HAS2: variants seen among roughly 807,000 people sequenced by gnomAD.
HAS2 encodes HA synthase 2.
A neutral mutation model predicts 51.6 loss-of-function variants in HAS2; 16 were observed. The ratio of observed to expected loss-of-function variants is 0.31; its 90% CI spans 0.21 to 0.47. The LOEUF is 0.47. Ranked by LOEUF, HAS2 falls within the 20% of genes least tolerant of loss-of-function variation. The probability of loss-of-function intolerance (pLI) is 1.00; values close to 1 mark genes in which losing one functional copy is unlikely to be tolerated. For synonymous variants in HAS2, 228 were observed against 235.5 expected (o/e 0.97, Z 0.29); for missense variants, 361 against 662.6 (o/e 0.54, Z 5.00).
At chr8:121,633,487 C>G (rs1812963243) in intron 1 of HAS2, among the ~76,000 whole-genome samples, 1 of 152,108 alleles carries the variant, frequency 6.6e-6, no homozygotes, top group South Asian at 2.1e-4. Context: ...GAAATTGGCA[C>G]TCACTCAAGT....
At chr8:121,618,002 CAA>C (rs11356339) in intron 2 of HAS2, among the ~76,000 whole-genome samples, 21 of 126,282 alleles carry the variant, frequency 1.7e-4, no homozygotes, top group African/African-American at 1.4e-4. Flanking sequence ...TTCTATGAGC[CAA>C]AAAAAAAAAA....
Position 121,628,740 on chromosome 8 carries a change from G to A in HAS2, c.601C>T (p.Leu201=). The change falls in exon 2 of 4, where the codon CTG becomes TTG. Residue 201 remains leucine (L), a synonymous_variant. Coordinates refer to ENST00000303924, the MANE Select transcript of HAS2 (RefSeq NM_005328.3). ...REVMYTAFRA[L]GRSVDYVQVC... is the part of the protein sequence containing the mutation. ...TGTACATAATCCACACTTCGTCCCAGTGCTCTGAAGGCTGTGTACATGACT... is the reference window on the plus strand; with the variant it reads ...TGTACATAATCCACACTTCGTCCCAATGCTCTGAAGGCTGTGTACATGACT... 1.2e-6 allele frequency: 2 copies of A among 1,614,026 alleles called. No homozygotes were observed. The highest frequency in any genetic ancestry group is 1.7e-6 in the Non-Finnish European group (2 of 1,179,918).
intron 1 of HAS2, chr8:121,639,664 C>A (rs1394301845): frequency 2.6e-5 from 4 of 152,584 alleles, no homozygotes; most frequent in African/African-American, 9.7e-5. Flanking sequence ...TCCCCCGCGG[C>A]TGCGTTTCCG....
chr8:121,640,135 G>A (rs1044150302), intron 1 of HAS2: 1 of 152,290 alleles, frequency 6.6e-6, no homozygotes, highest in African/African-American at 2.4e-5. Flanking sequence ...CTATCTGCGG[G>A]TGCCACCGCC....
chr8:121,640,671 T>C (rs1813081809), intron 1 of HAS2, among the ~76,000 whole-genome samples, 182 bp downstream of exon 1: 1 of 152,176 alleles, frequency 6.6e-6, no homozygotes, highest in Non-Finnish European at 1.5e-5. Context: ...GAGGGCTATG[T>C]TGCTAAGCCT....
intron 1 of HAS2, among the ~76,000 whole-genome samples, chr8:121,636,489 C>A (rs1305680368): frequency 6.6e-6 from 1 of 152,150 alleles, no homozygotes; most frequent in Non-Finnish European, 1.5e-5. Context: ...GACCCTTGAG[C>A]CAAGCTTCCA....
chr8:121,622,588 A>G (rs1425348814), intron 2 of HAS2, among the ~76,000 whole-genome samples: 1 of 152,086 alleles, frequency 6.6e-6, no homozygotes. Flanking sequence ...AAAGTGGGCC[A>G]CAATACATGC....
chr8:121,614,341 A>G lies in HAS2; in HGVS notation c.1427T>C (p.Ile476Thr), dbSNP rs1285268289. 1 of 1,614,042 alleles carries G rather than the reference A, an allele frequency of 6.2e-7. No homozygotes were observed. Among genetic ancestry groups the G allele is most frequent in the East Asian group, 2.2e-5 (1 of 44,880 alleles). Residue 476 changes from isoleucine to threonine, a missense_variant, in exon 4 of 4, where the codon ATA becomes ACA. Ile to Thr is a moderately conservative substitution (Grantham distance 89). Coordinates refer to ENST00000303924, the MANE Select transcript of HAS2 (RefSeq NM_005328.3). The surrounding 1 kb of genome is among the most constrained non-coding windows in gnomAD (Gnocchi z 7.2). Reference sequence around the variant, plus strand: ...CCAAACTGATACTGGAATGAGTCCTATGAAATTAACAACAATGGTTTTCCT... The same window carrying G: ...CCAAACTGATACTGGAATGAGTCCTGTGAAATTAACAACAATGGTTTTCCT... Reference protein sequence around the residue: ...SGRKTIVVNFIGLIPVSVWFT... With the variant: ...SGRKTIVVNFTGLIPVSVWFT...
rs888541672 is a variant in HAS2, at chr8:121,641,409, G to C, written c.-557C>G. The C allele has an allele frequency of 8.6e-5, 13 of 152,002 alleles. No homozygotes were observed. The South Asian group carries it at 1.5e-3, about 17-fold the overall frequency. The allele number at this position is 152,002 out of a possible 1,614,324, so 9.4% of individuals were successfully genotyped here. A position where few individuals can be genotyped will look rare whatever the true frequency, so the allele number is the denominator to read the frequency against. On this transcript the variant is annotated 5_prime_UTR_variant, in exon 1 of 4. Transcript: ENST00000303924. Reference sequence around the variant, plus strand: ...TGACTTCTCCTTCCCCGCCGTTGTTGCCCTTCTGCCTCCTCCAACTTAAGG... The same window carrying C: ...TGACTTCTCCTTCCCCGCCGTTGTTCCCCTTCTGCCTCCTCCAACTTAAGG...
rs1812675664 is a variant in HAS2, at chr8:121,614,433, C to G, written c.1335G>C (p.Ser445=). 1 of 1,613,912 alleles carries G rather than the reference C, an allele frequency of 6.2e-7. No homozygotes were observed. The highest frequency in any genetic ancestry group is 1.1e-5 in the South Asian group (1 of 91,078). Residue 445 remains serine (S), a synonymous_variant, in exon 4 of 4, where the codon TCG becomes TCC. Coordinates refer to ENST00000303924, the MANE Select transcript of HAS2 (RefSeq NM_005328.3). This position sits in a 1 kb window ranked among gnomAD's most constrained non-coding sequence, Gnocchi z 7.2. ...CAAACATCTTGGCGGGAAGTAAACT[C>G]GACATGTATAACACTGAGTAGAGAG... ...FMSLYSVLYM[S]SLLPAKMFAI... is the part of the protein sequence containing the mutation.
chr8:121,632,889 C>T (rs1293737335), intron 1 of HAS2, among the ~76,000 whole-genome samples: 9 of 152,036 alleles, frequency 5.9e-5, no homozygotes, highest in Admixed American at 5.9e-4. Flanking sequence ...TTATTAATCT[C>T]ATGTTACAAA....
chr8:121,634,504 C>G (rs1363908210), intron 1 of HAS2, among the ~76,000 whole-genome samples: 1 of 151,846 alleles, frequency 6.6e-6, no homozygotes, highest in Non-Finnish European at 1.5e-5. Flanking sequence ...GGAGAGTACA[C>G]ATGCACATAC....
At chr8:121,635,582 G>A (rs964030279) in intron 1 of HAS2, among the ~76,000 whole-genome samples, 2 of 152,180 alleles carry the variant, frequency 1.3e-5, no homozygotes, top group African/African-American at 4.8e-5. Context: ...CCGCTTGAGG[G>A]TTCTATGAAT....
chr8:121,633,119 GA>G (rs1812956041), intron 1 of HAS2, among the ~76,000 whole-genome samples: 2 of 148,414 alleles, frequency 1.3e-5, no homozygotes, highest in Admixed American at 1.3e-4. Context: ...AACAAACTTT[GA>G]AAATTGTTTC....
Position 121,615,014 on chromosome 8 carries a change from T to C in HAS2, c.754A>G (p.Ile252Val). The C allele has an allele frequency of 3.1e-6, 5 of 1,605,242 alleles. No individual in the cohort carries two copies. Among genetic ancestry groups the C allele is most frequent in the Non-Finnish European group, 4.3e-6 (5 of 1,175,836 alleles). The change falls in exon 4 of 4, where the codon ATC becomes GTC. Residue 252 changes from isoleucine to valine, a missense_variant. Physicochemically the swap from Ile to Val is conservative, Grantham distance 29. Transcript: ENST00000303924. ...TATCTTACACTGCTGAGGAATGAGA[T>C]CCAGGAATCGTACTTGTTTAAAATC... ...VQILNKYDSW[I>V]SFLSSVRYWM...
At position 121,616,279 on chromosome 8, in the gene HAS2, T is replaced by C. The variant is rs115847826; in HGVS notation, c.729+826A>G. Among the ~76,000 whole-genome samples the C allele has an allele frequency of 8.4e-3, 1,278 of 152,278 alleles. 21 individuals carry two copies. Among genetic ancestry groups the C allele is most frequent in the African/African-American group, 0.029 (1,203 of 41,572 alleles). ...AAAACCACTTATCCATTCTTTGCCTTTCTCACTAGTATAAACTTGAGTCTC... is the reference window on the plus strand; with the variant it reads ...AAAACCACTTATCCATTCTTTGCCTCTCTCACTAGTATAAACTTGAGTCTC... On this transcript the variant is annotated intron_variant, in intron 3 of 3. Transcript: ENST00000303924.
chr8:121,624,229 G>A (rs967649501), intron 2 of HAS2, among the ~76,000 whole-genome samples: 3 of 152,144 alleles, frequency 2.0e-5, no homozygotes, highest in Admixed American at 2.0e-4. Flanking sequence ...CAGCATTACA[G>A]TTCAAGGCCA....
chr8:121,618,379 C>T (rs1178313105), intron 2 of HAS2, among the ~76,000 whole-genome samples: 1 of 152,064 alleles, frequency 6.6e-6, no homozygotes, highest in Admixed American at 6.5e-5. Context: ...ACAGCTGATA[C>T]CTGTTCCTGG....
chr8:121,636,051 G>A (rs1259307887), intron 1 of HAS2, among the ~76,000 whole-genome samples: 33 of 152,166 alleles, frequency 2.2e-4, no homozygotes, highest in Non-Finnish European at 7.3e-5. Context: ...TGCTATATAT[G>A]CAAATTACCT....
Sources: allele counts gnomAD v4.1 joint callset (sites outside exome capture counted in the v4.1 genomes callset), GRCh38; gene constraint gnomAD v4.1.1; non-coding constraint Gnocchi (gnomAD v3.1); transcripts MANE v1.5; gene names NCBI Gene and HGNC (gene_info 2026-07-23, HGNC 2026-07-21).